Variants in ABCG1 observed in about 807,000 individuals in gnomAD.
The protein encoded by ABCG1 is ATP-binding cassette sub-family G member 1.
A neutral mutation model predicts 69.2 loss-of-function variants in ABCG1; 29 were observed. The observed-to-expected ratio is 0.42, with a 90% CI of 0.31 to 0.57. The LOEUF (loss-of-function observed/expected upper bound fraction) is 0.57, where lower values mean the gene tolerates loss of function less well. Ranked by LOEUF, ABCG1 falls within the 20% of genes least tolerant of loss-of-function variation. ABCG1 has a pLI of 0.15. For missense variants in ABCG1, 718 were observed against 898.1 expected (o/e 0.80, Z 2.56); for synonymous variants, 370 against 374.8 (o/e 0.99, Z 0.15).
intron 2 of ABCG1, among the ~76,000 whole-genome samples, chr21:42,265,825 A>G (rs1356668197): frequency 6.6e-6 from 1 of 152,196 alleles, no homozygotes; most frequent in African/African-American, 2.4e-5. Context: ...CTCTACAGTC[A>G]GTGGTGTCCT....
rs2068658308 is a variant in ABCG1, at chr21:42,273,655, T to G, written c.537+220T>G. Among the ~76,000 whole-genome samples the G allele has an allele frequency of 6.6e-6, 1 of 152,224 alleles. No individual in the cohort carries two copies. ...AAACCCCCCAAGACTGTGAGTTTAA[T>G]GGACCTTGTTTGGCAGGGTTGGGGT... On this transcript the variant is annotated intron_variant, in intron 4 of 14. Coordinates refer to ENST00000398449, the MANE Select transcript of ABCG1 (RefSeq NM_016818.3). This position sits in a 1 kb window ranked among gnomAD's most constrained non-coding sequence, Gnocchi z 5.3.
chr21:42,292,485 C>T (rs2069082283), intron 13 of ABCG1, among the ~76,000 whole-genome samples: 1 of 152,038 alleles, frequency 6.6e-6, no homozygotes, highest in East Asian at 1.9e-4. Context: ...CCCCAGGACC[C>T]CTGCCTAGGG....
At chr21:42,209,324 G>C (rs1262876708) in intron 2 of ABCG1, among the ~76,000 whole-genome samples, 1 of 152,212 alleles carries the variant, frequency 6.6e-6, no homozygotes, top group Non-Finnish European at 1.5e-5. Flanking sequence ...CTACCCCACA[G>C]GGCGTTCTGA....
rs147142594 is a variant in ABCG1, at chr21:42,265,554, C to T, written c.287-5516C>T. On this transcript the variant is annotated intron_variant, in intron 2 of 14. Coordinates refer to ENST00000398449, the MANE Select transcript of ABCG1 (RefSeq NM_016818.3). ...AGTCAAGGAACACCTGGAGCACCAG[C>T]GGCTGGCAGAGACAGGGGAGGTCCT... Among the ~76,000 whole-genome samples the T allele has an allele frequency of 3.4e-3, 525 of 152,284 alleles. 1 individual carries two copies. Among genetic ancestry groups the T allele is most frequent in the African/African-American group, 0.012 (508 of 41,572 alleles).
intron 5 of ABCG1, among the ~76,000 whole-genome samples, chr21:42,277,601 C>T (rs1456310509): frequency 6.6e-6 from 1 of 152,222 alleles, no homozygotes; most frequent in Non-Finnish European, 1.5e-5. Context: ...GGGAAACCCA[C>T]TGTCCTCCTC....
intron 13 of ABCG1, among the ~76,000 whole-genome samples, chr21:42,293,710 CCACACTA>C (rs1203748475): frequency 4.7e-5 from 7 of 149,616 alleles, no homozygotes; most frequent in East Asian, 2.0e-4. Flanking sequence ...TACACATACA[CCACACTA>C]CACACTACAC....
At chr21:42,250,595 T>C (rs893961877) in intron 2 of ABCG1, among the ~76,000 whole-genome samples, 3 of 152,196 alleles carry the variant, frequency 2.0e-5, no homozygotes, top group African/African-American at 7.2e-5. Flanking sequence ...CCTGCAGGCC[T>C]CCTCTGGTGG....
upstream of ABCG1, among the ~76,000 whole-genome samples, chr21:42,214,216 A>T (rs1601335537): frequency 1.3e-5 from 2 of 152,312 alleles, no homozygotes; most frequent in East Asian, 3.9e-4. Context: ...ACTTTGCCTC[A>T]TGAATAGGGT....
At chr21:42,258,038 C>T (rs1196183466) in intron 2 of ABCG1, among the ~76,000 whole-genome samples, 3 of 99,282 alleles carry the variant, frequency 3.0e-5, no homozygotes, top group Non-Finnish European at 6.4e-5. Context: ...CTCCATCCAT[C>T]CCTCCACTCA....
At chr21:42,212,531 G>A (rs1446493389), upstream of ABCG1, among the ~76,000 whole-genome samples, 5 of 152,206 alleles carry the variant, frequency 3.3e-5, no homozygotes, top group Non-Finnish European at 7.3e-5. Flanking sequence ...ACAGAGGGCA[G>A]AGGACTTGGC....
intron 2 of ABCG1, among the ~76,000 whole-genome samples, chr21:42,255,197 C>A (rs905108418): frequency 2.6e-5 from 4 of 152,190 alleles, no homozygotes; most frequent in Non-Finnish European, 2.9e-5. Flanking sequence ...AGGGGCAGGG[C>A]CCCGTTGCTA....
intron 1 of ABCG1, among the ~76,000 whole-genome samples, chr21:42,201,161 A>C (rs114851645): frequency 0.026 from 3,992 of 152,066 alleles, 179 homozygotes; most frequent in African/African-American, 0.09. Context: ...GTCTGCAAGC[A>C]GTTGATTTAT....
At chr21:42,290,564 CT>C (rs534797575) in intron 11 of ABCG1, among the ~76,000 whole-genome samples, 85 of 152,354 alleles carry the variant, frequency 5.6e-4, no homozygotes, top group African/African-American at 2.0e-3. Flanking sequence ...GCACAGCCCA[CT>C]TCGGGAGCAG....
chr21:42,294,482 C>T, intron 13 of ABCG1, 60 bp from the exon 14 acceptor site: 1 of 1,413,476 alleles, frequency 7.1e-7, no homozygotes, highest in Non-Finnish European at 1.0e-6. Flanking sequence ...GGCGAGCCTC[C>T]TCTGCAGGAG....
At chr21:42,239,930 C>T (rs944414518) in intron 2 of ABCG1, among the ~76,000 whole-genome samples, 1 of 152,218 alleles carries the variant, frequency 6.6e-6, no homozygotes. Context: ...CCCCTTTGGT[C>T]ATTTTTGGGT....
intron 2 of ABCG1, among the ~76,000 whole-genome samples, chr21:42,265,734 G>A (rs1303920494): frequency 6.6e-6 from 1 of 152,206 alleles, no homozygotes; most frequent in Non-Finnish European, 1.5e-5. Flanking sequence ...CTTTCCAGAT[G>A]TGCACCTCTG....
At position 42,276,090 on chromosome 21, in the gene ABCG1, C is replaced by T. The variant is rs2068705224; in HGVS notation, c.538-805C>T. 6.6e-6 allele frequency among the ~76,000 whole-genome samples: 1 copy of T among 151,680 alleles called. No individual in the cohort carries two copies. Among genetic ancestry groups the T allele is most frequent in the Non-Finnish European group, 1.5e-5 (1 of 67,986 alleles). ...ATGAGGTGGACAGAGCTTAACCTCA[C>T]CATTGTGCCAGTGAGGAAATGGAGG... is the stretch of plus-strand genomic sequence containing the variant. On this transcript the variant is annotated intron_variant, in intron 4 of 14. Coordinates refer to ENST00000398449, the MANE Select transcript of ABCG1 (RefSeq NM_016818.3). This position sits in a 1 kb window ranked among gnomAD's most constrained non-coding sequence, Gnocchi z 5.3.
upstream of ABCG1, among the ~76,000 whole-genome samples, chr21:42,215,271 C>T (rs4148094): frequency 0.14 from 21,026 of 152,280 alleles, 1,725 homozygotes; most frequent in East Asian, 0.24. Flanking sequence ...GACTCCCCTG[C>T]ACCCACCCTC....
rs1010505570 is a variant in ABCG1 at position 42,273,106 on chromosome 21, T to A, written c.405-197T>A. ...CTCTTCCCAGCAGGAGCTTTCTCTG[T>A]GGAATGTCTTCCTCCCGATCGCTGC... On this transcript the variant is annotated intron_variant, in intron 3 of 14. Coordinates refer to ENST00000398449, the MANE Select transcript of ABCG1 (RefSeq NM_016818.3). The surrounding 1 kb of genome is among the most constrained non-coding windows in gnomAD (Gnocchi z 5.3). Among the ~76,000 whole-genome samples the A allele has an allele frequency of 3.9e-5, 6 of 152,202 alleles. No homozygotes were observed. Among genetic ancestry groups the A allele is most frequent in the African/African-American group, 1.4e-4 (6 of 41,446 alleles).
Sources: gnomAD v4.1 joint callset for allele counts (sites outside exome capture counted in the v4.1 genomes callset) on GRCh38, gnomAD v4.1.1 for gene constraint, Gnocchi (gnomAD v3.1) non-coding constraint, MANE v1.5 for transcripts, NCBI Gene and HGNC (gene_info 2026-07-23, HGNC 2026-07-21) for gene names.